DLGAP2: variants seen among roughly 807,000 people sequenced by gnomAD.
The protein encoded by DLGAP2 is DLG associated protein 2, also known as disks large-associated protein 2.
Under a neutral mutation model 100.3 loss-of-function variants are expected in DLGAP2, and 26 were observed. That is an observed-to-expected ratio of 0.26 (90% CI 0.19 to 0.36). The LOEUF (loss-of-function observed/expected upper bound fraction) is 0.36, where lower values mean the gene tolerates loss of function less well. Ranked by LOEUF, DLGAP2 falls within the 10% of genes least tolerant of loss-of-function variation. The pLI, the probability that DLGAP2 is intolerant of heterozygous loss-of-function variation, is 1.00. For missense variants in DLGAP2, 1,858 were observed against 1,453.2 expected, an observed-to-expected ratio of 1.28 and a Z score of -4.53; for synonymous variants, 886 against 630.1, an observed-to-expected ratio of 1.41 and a Z score of -6.08.
intron 2 of DLGAP2, among the ~76,000 whole-genome samples, chr8:1,116,065 G>A (rs939031659): frequency 6.6e-6 from 1 of 152,210 alleles, no homozygotes; most frequent in Admixed American, 6.5e-5. Flanking sequence ...GGACTTTCCA[G>A]GGGTTCTTGG....
chr8:1,392,695 G>T (rs1301635001), intron 3 of DLGAP2, among the ~76,000 whole-genome samples: 1 of 152,232 alleles, frequency 6.6e-6, no homozygotes, highest in African/African-American at 2.4e-5. Flanking sequence ...CCAGGCCTGG[G>T]TCAGCACATC....
intron 3 of DLGAP2, among the ~76,000 whole-genome samples, chr8:1,475,372 C>G (rs1009388477): frequency 1.3e-5 from 2 of 152,158 alleles, no homozygotes; most frequent in African/African-American, 4.8e-5. Flanking sequence ...CTAACAGCAT[C>G]TACTGAGAAA....
intron 3 of DLGAP2, among the ~76,000 whole-genome samples, chr8:1,463,968 A>T (rs1231731026): frequency 6.6e-6 from 1 of 152,244 alleles, no homozygotes; most frequent in Non-Finnish European, 1.5e-5. Flanking sequence ...AATATCAGGC[A>T]CATAACAACT....
intron 3 of DLGAP2, among the ~76,000 whole-genome samples, chr8:1,287,471 CGTGTGTGTGTGT>C (rs764935176): frequency 4.3e-5 from 1 of 23,330 alleles, no homozygotes; most frequent in South Asian, 1.5e-3. Context: ...TTCGGTTCAG[CGTGTGTGTGTGT>C]GTGTGTGTGT....
At chr8:1,054,687 A>T (rs1033143397) in intron 2 of DLGAP2, among the ~76,000 whole-genome samples, 8 of 152,204 alleles carry the variant, frequency 5.3e-5, no homozygotes, top group African/African-American at 1.9e-4. Flanking sequence ...ACAATGCACT[A>T]TTCTCAGCAG....
intron 2 of DLGAP2, among the ~76,000 whole-genome samples, chr8:1,237,806 C>G (rs1489297629): frequency 2.7e-4 from 3 of 11,012 alleles, no homozygotes; most frequent in Non-Finnish European, 5.2e-4. Flanking sequence ...GTCTAGTTCT[C>G]TCTCACACAG....
rs774278877 is a variant in DLGAP2 at position 1,548,915 on chromosome 8, C to G, written c.462C>G (p.Asp154Glu). The change falls in exon 5 of 15, where the codon GAC becomes GAG. Residue 154 changes from aspartate to glutamate, a missense_variant. Asp to Glu is a conservative substitution (Grantham distance 45). Coordinates refer to ENST00000637795, the MANE Select transcript of DLGAP2 (RefSeq NM_001346810.2). ...ECVMMPVVLG[D>E]HVSSSTFPRM... is the part of the protein sequence containing the mutation. ...TGATGATGCCGGTGGTGCTGGGCGA[C>G]CACGTGTCCAGCAGCACCTTCCCGC... is the stretch of plus-strand genomic sequence containing the variant. The G allele has an allele frequency of 2.5e-6, 4 of 1,598,030 alleles. No homozygotes were observed. The highest frequency in any genetic ancestry group is 3.4e-6 in the Non-Finnish European group (4 of 1,178,992).
chr8:1,199,771 G>A (rs1197269453), intron 2 of DLGAP2, among the ~76,000 whole-genome samples: 2 of 152,164 alleles, frequency 1.3e-5, no homozygotes, highest in Non-Finnish European at 2.9e-5. Flanking sequence ...TTGCATGATG[G>A]AAGGTGTGTA....
At chr8:831,194 G>C (rs56691261) in intron 1 of DLGAP2, among the ~76,000 whole-genome samples, 1 of 146,370 alleles carries the variant, frequency 6.8e-6, no homozygotes, top group Admixed American at 7.0e-5. Context: ...CACCACGCCC[G>C]GTCCAGCAGT....
intron 1 of DLGAP2, among the ~76,000 whole-genome samples, chr8:850,713 A>T (rs1312765954): frequency 2.0e-5 from 3 of 152,340 alleles, no homozygotes; most frequent in East Asian, 1.9e-4. Context: ...TTATAATAGC[A>T]TGAAATTTTA....
chr8:1,464,286 C>CACCCTTCCA (rs1798551559), intron 3 of DLGAP2, among the ~76,000 whole-genome samples: 1 of 82,384 alleles, frequency 1.2e-5, no homozygotes, highest in East Asian at 3.7e-4. Flanking sequence ...TCCAGGACAA[C>CACCCTTCCA]GCCCTTCCAG....
chr8:1,157,279 A>G (rs1392864746), intron 2 of DLGAP2, among the ~76,000 whole-genome samples: 2 of 152,094 alleles, frequency 1.3e-5, no homozygotes, highest in African/African-American at 4.8e-5. Flanking sequence ...CGTGGCACAG[A>G]TGCGGGCTGT....
intron 2 of DLGAP2, among the ~76,000 whole-genome samples, chr8:1,200,317 C>T (rs532875963): frequency 6.6e-6 from 1 of 152,246 alleles, no homozygotes; most frequent in Admixed American, 6.5e-5. Flanking sequence ...GTTCTTTTCT[C>T]ACTGAGCTCA....
intron 3 of DLGAP2, among the ~76,000 whole-genome samples, chr8:1,306,074 CA>C (rs61647224): frequency 0.065 from 7,510 of 116,432 alleles, 251 homozygotes; most frequent in South Asian, 0.15. Flanking sequence ...AGAAATTAGG[CA>C]AAAAAAAAAA....
At chr8:1,036,076 T>C (rs1265633067) in intron 2 of DLGAP2, among the ~76,000 whole-genome samples, 5 of 114,176 alleles carry the variant, frequency 4.4e-5, no homozygotes, top group Non-Finnish European at 3.7e-5. Context: ...CGCGAGTGGG[T>C]TCACAGCCTC....
intron 2 of DLGAP2, among the ~76,000 whole-genome samples, chr8:1,046,070 C>G (rs188915320): frequency 1.4e-3 from 219 of 152,176 alleles, no homozygotes; most frequent in African/African-American, 5.1e-3. Context: ...TATTGAGTCA[C>G]GGAAAGCAGC....
chr8:1,074,970 A>C (rs2600493), intron 2 of DLGAP2, among the ~76,000 whole-genome samples: 1 of 150,312 alleles, frequency 6.7e-6, no homozygotes, highest in South Asian at 2.1e-4. Context: ...ACAGTGCAGC[A>C]GGGAGTGGTG....
intron 3 of DLGAP2, among the ~76,000 whole-genome samples, chr8:1,414,375 C>T (rs1342709262): frequency 6.6e-6 from 1 of 152,156 alleles, no homozygotes; most frequent in Non-Finnish European, 1.5e-5. Flanking sequence ...CTGCCAAGGG[C>T]AAGCCAGAAA....
At chr8:1,603,973 C>A (rs528659523) in intron 6 of DLGAP2, among the ~76,000 whole-genome samples, 3 of 152,112 alleles carry the variant, frequency 2.0e-5, no homozygotes, top group African/African-American at 7.2e-5. Context: ...TCCCCACATA[C>A]CCCAGCCACC....
Sources: allele counts gnomAD v4.1 joint callset (sites outside exome capture counted in the v4.1 genomes callset), GRCh38; gene constraint gnomAD v4.1.1; transcripts MANE v1.5; gene names NCBI Gene and HGNC (gene_info 2026-07-23, HGNC 2026-07-21).